Variants in THSD7A observed in about 807,000 individuals in gnomAD.
THSD7A encodes the protein thrombospondin type 1 domain containing 7A.
THSD7A carries 96 observed loss-of-function variants against 231.3 expected under a neutral mutation model. The ratio of observed to expected loss-of-function variants is 0.41; its 90% CI spans 0.35 to 0.49. The LOEUF (loss-of-function observed/expected upper bound fraction) is 0.49, where lower values mean the gene tolerates loss of function less well. Among genes scored for constraint, THSD7A ranks in the 20% least tolerant of loss-of-function variants. The probability of loss-of-function intolerance (pLI) is 0.05; values close to 1 mark genes in which losing one functional copy is unlikely to be tolerated. For missense variants in THSD7A, 2,290 were observed against 2,070.2 expected (o/e 1.11, Z -2.06); for synonymous variants, 940 against 743.3 (o/e 1.26, Z -4.30).
Position 11,411,213 on chromosome 7 carries a change from A to T in THSD7A, c.3792T>A (p.Cys1264Ter), listed in dbSNP as rs753681349. The part of the protein sequence containing the change: ...SDGKSVDLKY[C>*]EALGLEKNWQ... ...TAACACAGCATCCACCTACCGCTTC[A>T]CAATATTTCAGGTCAACTGACTTGC... is the stretch of plus-strand genomic sequence containing the variant. Residue 1264 changes from cysteine to a stop codon, truncating the protein, a stop_gained, in exon 19 of 28, where the codon TGT (cysteine) becomes TGA (stop). Transcript: ENST00000423059. LOFTEE classifies it high-confidence loss of function. This position sits in a 1 kb window ranked among gnomAD's most constrained non-coding sequence, Gnocchi z 4.1. The T allele has an allele frequency of 6.2e-7, 1 of 1,612,206 alleles. No homozygotes were observed.
At chr7:11,577,983 T>G (rs1409753741) in intron 4 of THSD7A, among the ~76,000 whole-genome samples, 1 of 152,156 alleles carries the variant, frequency 6.6e-6, no homozygotes, top group African/African-American at 2.4e-5. Flanking sequence ...AATAATACAA[T>G]GAAAGCTTTA....
intron 1 of THSD7A, among the ~76,000 whole-genome samples, chr7:11,638,421 T>A (rs1317188520): frequency 1.3e-5 from 2 of 152,146 alleles, no homozygotes; most frequent in Non-Finnish European, 2.9e-5. Flanking sequence ...AGTATATGAA[T>A]AAAGAAATAT....
intron 6 of THSD7A, among the ~76,000 whole-genome samples, chr7:11,492,867 G>A (rs39197): frequency 1 from 152,147 of 152,222 alleles, 76,036 homozygotes; most frequent in Middle Eastern, 1. Flanking sequence ...CCTAAGGCCT[G>A]CAGCTGAGTA....
intron 6 of THSD7A, among the ~76,000 whole-genome samples, chr7:11,501,725 G>C (rs1562661995): frequency 6.6e-6 from 1 of 152,160 alleles, no homozygotes; most frequent in African/African-American, 2.4e-5. Flanking sequence ...GAAAGAATTA[G>C]AGAAGCAATA....
At chr7:11,490,402 A>T (rs1786839920) in intron 6 of THSD7A, among the ~76,000 whole-genome samples, 1 of 152,094 alleles carries the variant, frequency 6.6e-6, no homozygotes, top group Admixed American at 6.6e-5. Flanking sequence ...TTTTATTAAA[A>T]CATCTATGAC....
At chr7:11,513,282 C>T (rs886370294) in intron 6 of THSD7A, among the ~76,000 whole-genome samples, 6 of 151,422 alleles carry the variant, frequency 4.0e-5, no homozygotes, top group African/African-American at 1.5e-4. Context: ...TAACCAAACA[C>T]CACCTGTATC....
intron 6 of THSD7A, among the ~76,000 whole-genome samples, chr7:11,490,129 G>T (rs1786826743): frequency 6.6e-6 from 1 of 151,986 alleles, no homozygotes; most frequent in Non-Finnish European, 1.5e-5. Flanking sequence ...AATAGGTGAT[G>T]CTGGGGTAAA....
At chr7:11,769,153 A>ATATATATATATATATATAT in intron 1 of THSD7A, among the ~76,000 whole-genome samples, 1 of 27,648 alleles carries the variant, frequency 3.6e-5, no homozygotes, top group Non-Finnish European at 7.0e-5. Flanking sequence ...ATATATATAT[A>ATATATATATATATATATAT]TTTTTTTTTT....
chr7:11,376,721 C>G, intron 26 of THSD7A, 64 bp from the exon 27 acceptor site: 1 of 1,254,980 alleles, frequency 8.0e-7, no homozygotes, highest in Non-Finnish European at 1.1e-6. Context: ...CAGTCTTTAA[C>G]TATGACCAAT....
At chr7:11,711,232 A>T (rs78169087) in intron 1 of THSD7A, among the ~76,000 whole-genome samples, 15,166 of 150,906 alleles carry the variant, frequency 0.1, 948 homozygotes, top group South Asian at 0.15. Context: ...ATTTCAAGTC[A>T]TAGGTTTTGT....
At chr7:11,804,981 A>G (rs908633325) in intron 1 of THSD7A, among the ~76,000 whole-genome samples, 1 of 152,106 alleles carries the variant, frequency 6.6e-6, no homozygotes, top group Non-Finnish European at 1.5e-5. Context: ...TTTTCTACCA[A>G]TTCTGAGAAT....
intron 1 of THSD7A, among the ~76,000 whole-genome samples, chr7:11,722,675 C>A (rs1781400205): frequency 1.3e-5 from 2 of 151,954 alleles, no homozygotes; most frequent in Non-Finnish European, 2.9e-5. Context: ...AGGATATGAA[C>A]AGAAACTTCT....
At chr7:11,601,114 C>G (rs1780536099) in intron 2 of THSD7A, among the ~76,000 whole-genome samples, 2 of 152,184 alleles carry the variant, frequency 1.3e-5, no homozygotes, top group Admixed American at 1.3e-4. Flanking sequence ...TGTAATTCCT[C>G]TCTTACAAAA....
chr7:11,525,843 C>CT (rs943128728), intron 6 of THSD7A, among the ~76,000 whole-genome samples: 2 of 152,112 alleles, frequency 1.3e-5, no homozygotes, highest in Admixed American at 1.3e-4. Context: ...AACAAAGACT[C>CT]TAAAACATAT....
intron 3 of THSD7A, among the ~76,000 whole-genome samples, chr7:11,591,754 A>C (rs1459394748): frequency 6.6e-6 from 1 of 152,212 alleles, no homozygotes; most frequent in East Asian, 1.9e-4. Context: ...CAATTATAGA[A>C]ACACGAATAA....
intron 6 of THSD7A, among the ~76,000 whole-genome samples, chr7:11,508,447 A>G (rs896052717): frequency 3.9e-5 from 6 of 152,080 alleles, no homozygotes; most frequent in African/African-American, 1.2e-4. Context: ...AAAAAAGACA[A>G]CTCTTGGTGA....
intron 6 of THSD7A, among the ~76,000 whole-genome samples, chr7:11,502,337 C>G (rs1489733252): frequency 6.6e-6 from 1 of 151,988 alleles, no homozygotes; most frequent in African/African-American, 2.4e-5. Flanking sequence ...ACAACAACAA[C>G]AAAAACTTCA....
At chr7:11,568,708 A>G (rs62434504) in intron 4 of THSD7A, among the ~76,000 whole-genome samples, 1 of 150,676 alleles carries the variant, frequency 6.6e-6, no homozygotes, top group Non-Finnish European at 1.5e-5. Flanking sequence ...TATTCCATAG[A>G]ATATTGGAAA....
At chr7:11,673,862 T>A (rs1055438155) in intron 1 of THSD7A, among the ~76,000 whole-genome samples, 1 of 152,094 alleles carries the variant, frequency 6.6e-6, no homozygotes, top group South Asian at 2.1e-4. Flanking sequence ...TGGAAAGAGA[T>A]GCACCAGGTC....
Sources: gnomAD v4.1 joint callset for allele counts (sites outside exome capture counted in the v4.1 genomes callset) on GRCh38, gnomAD v4.1.1 for gene constraint, Gnocchi (gnomAD v3.1) non-coding constraint, MANE v1.5 for transcripts, NCBI Gene and HGNC (gene_info 2026-07-23, HGNC 2026-07-21) for gene names.